Variants in TENM2 observed in about 807,000 individuals in gnomAD.
TENM2 encodes teneurin-2.
Under a neutral mutation model 245.2 loss-of-function variants are expected in TENM2, and 52 were observed. The observed-to-expected ratio is 0.21, with a 90% CI of 0.17 to 0.27. TENM2 has a LOEUF of 0.27. TENM2 is among the 10% of genes least tolerant of loss of function. The pLI is 1.00. For synonymous variants in TENM2, 1,363 were observed against 1,438.9 expected, an observed-to-expected ratio of 0.95 and a Z score of 1.19; for missense variants, 3,046 against 3,666.8, an observed-to-expected ratio of 0.83 and a Z score of 4.37.
the TENM2 span, among the ~76,000 whole-genome samples, chr5:167,174,643 C>A: frequency 6.6e-6 from 1 of 152,088 alleles, no homozygotes; most frequent in Non-Finnish European, 1.5e-5. Context: ...AACATATCCA[C>A]CCCTCTTCAT....
chr5:168,008,383 G>C (rs1193043557), intron 5 of TENM2, among the ~76,000 whole-genome samples: 1 of 152,184 alleles, frequency 6.6e-6, no homozygotes, highest in African/African-American at 2.4e-5. Flanking sequence ...GATTAATTTG[G>C]CAATAGGGAG....
chr5:167,472,394 C>T (rs187555109), intron 2 of TENM2, among the ~76,000 whole-genome samples: 28 of 152,146 alleles, frequency 1.8e-4, no homozygotes, highest in Admixed American at 8.5e-4. Flanking sequence ...TTTTTCTAGC[C>T]GCAATAGTTT....
intron 2 of TENM2, among the ~76,000 whole-genome samples, chr5:167,629,333 C>T (rs1388414593): frequency 6.6e-6 from 1 of 152,144 alleles, no homozygotes; most frequent in African/African-American, 2.4e-5. Context: ...GTGCTTACTT[C>T]CTAGGGTTTT....
the TENM2 span, among the ~76,000 whole-genome samples, chr5:167,043,075 A>T: frequency 5.3e-5 from 8 of 152,314 alleles, no homozygotes; most frequent in African/African-American, 1.9e-4. Context: ...CTGTGGCTAA[A>T]TTGCTTCTAT....
chr5:167,156,496 G>A, the TENM2 span, among the ~76,000 whole-genome samples: 1 of 152,160 alleles, frequency 6.6e-6, no homozygotes, highest in African/African-American at 2.4e-5. Context: ...CCCTGTGAAA[G>A]CTGGGAAAGT....
the TENM2 span, among the ~76,000 whole-genome samples, chr5:167,117,128 T>C: frequency 2.0e-5 from 3 of 152,214 alleles, no homozygotes; most frequent in African/African-American, 7.2e-5. Flanking sequence ...AATCTAAACA[T>C]TGAAGACTCT....
the TENM2 span, among the ~76,000 whole-genome samples, chr5:167,007,178 C>G: frequency 1.3e-5 from 2 of 152,142 alleles, no homozygotes; most frequent in Non-Finnish European, 2.9e-5. The surrounding 1 kb of genome is among the most constrained non-coding windows in gnomAD (Gnocchi z 4.2). Flanking sequence ...ATTTAATACA[C>G]AGATTTCCAT....
intron 2 of TENM2, among the ~76,000 whole-genome samples, chr5:167,515,797 C>G (rs1417863942): frequency 1.3e-5 from 2 of 151,506 alleles, no homozygotes; most frequent in Non-Finnish European, 2.9e-5. Flanking sequence ...TCCTGAGTAG[C>G]TGGGACTACA....
chr5:167,328,404 C>T (rs1757226296), intron 1 of TENM2, among the ~76,000 whole-genome samples: 1 of 152,054 alleles, frequency 6.6e-6, no homozygotes, highest in Admixed American at 6.5e-5. Flanking sequence ...AGATGGGTTT[C>T]ACCAAGAGAT....
chr5:167,754,352 C>T (rs1360889381), intron 2 of TENM2, among the ~76,000 whole-genome samples: 3 of 152,164 alleles, frequency 2.0e-5, no homozygotes, highest in Admixed American at 1.3e-4. Flanking sequence ...GGAGAACTGA[C>T]CCCATTTCAC....
the TENM2 span, among the ~76,000 whole-genome samples, chr5:167,003,627 G>T: frequency 1.3e-5 from 2 of 152,152 alleles, no homozygotes. Flanking sequence ...TTTGTTGCTT[G>T]TTGGTAAAGT....
At chr5:168,016,580 G>A (rs985650) in intron 5 of TENM2, among the ~76,000 whole-genome samples, 61,757 of 152,056 alleles carry the variant, frequency 0.41, 13,759 homozygotes, top group African/African-American at 0.59. Flanking sequence ...CCATGTTAAC[G>A]TAGGTTCTGT....
intron 2 of TENM2, among the ~76,000 whole-genome samples, chr5:167,397,091 A>G (rs1364062797): frequency 1.3e-5 from 2 of 152,154 alleles, no homozygotes; most frequent in Non-Finnish European, 2.9e-5. Flanking sequence ...GTGCAGAGAG[A>G]AAGAAGAAAC....
At chr5:167,737,831 A>G (rs4583906) in intron 2 of TENM2, among the ~76,000 whole-genome samples, 63,658 of 152,068 alleles carry the variant, frequency 0.42, 15,913 homozygotes, top group East Asian at 0.68. Flanking sequence ...ACAAGTAAAA[A>G]TATCAGGCAA....
At chr5:167,769,648 C>G (rs1374603034) in intron 2 of TENM2, among the ~76,000 whole-genome samples, 1 of 152,140 alleles carries the variant, frequency 6.6e-6, no homozygotes, top group Admixed American at 6.5e-5. Context: ...AGGTAAAAGG[C>G]TCCTTCAACT....
chr5:167,993,032 A>G (rs749933729), exon 5 of TENM2: 3 of 1,613,892 alleles, frequency 1.9e-6, no homozygotes, highest in Non-Finnish European at 2.5e-6. Context: ...AACGGTTTAC[A>G]CGCCCCCGCC....
At chr5:167,922,426 C>G (rs1191489974) in intron 3 of TENM2, among the ~76,000 whole-genome samples, 1 of 152,152 alleles carries the variant, frequency 6.6e-6, no homozygotes, top group Non-Finnish European at 1.5e-5. Flanking sequence ...GAACCCAATT[C>G]AACCATGTTC....
chr5:167,746,164 G>A (rs998474996), intron 2 of TENM2, among the ~76,000 whole-genome samples: 2 of 152,088 alleles, frequency 1.3e-5, no homozygotes, highest in South Asian at 2.1e-4. Flanking sequence ...CGTACACTTC[G>A]GACTATGCCA....
At chr5:167,086,545 G>A in the TENM2 span, among the ~76,000 whole-genome samples, 12 of 152,242 alleles carry the variant, frequency 7.9e-5, no homozygotes, top group East Asian at 2.1e-3. Flanking sequence ...ATGCATAGGA[G>A]CCAGCTGCTA....
Sources: gnomAD v4.1 joint callset for allele counts (sites outside exome capture counted in the v4.1 genomes callset) on GRCh38, gnomAD v4.1.1 for gene constraint, Gnocchi (gnomAD v3.1) non-coding constraint, MANE v1.5 for transcripts, NCBI Gene and HGNC (gene_info 2026-07-23, HGNC 2026-07-21) for gene names.